The following PCNX2 variants were observed in gnomAD, a reference collection of about 807,000 sequenced individuals.
The protein encoded by PCNX2 is pecanex 2.
Under a neutral mutation model 223.8 loss-of-function variants are expected in PCNX2, and 168 were observed. The ratio of observed to expected loss-of-function variants is 0.75; its 90% CI spans 0.66 to 0.85. The LOEUF (loss-of-function observed/expected upper bound fraction) is 0.85. Among genes scored for constraint, PCNX2 ranks in the 40% least tolerant of loss-of-function variants. PCNX2 has a pLI of 0.00. For synonymous variants in PCNX2, 1,006 were observed against 1,052.6 expected, an observed-to-expected ratio of 0.96 and a Z score of 0.86; for missense variants, 2,507 against 2,675.5, an observed-to-expected ratio of 0.94 and a Z score of 1.39.
intron 23 of PCNX2, among the ~76,000 whole-genome samples, chr1:233,070,698 T>C (rs934943665): frequency 1.3e-5 from 2 of 148,414 alleles, no homozygotes; most frequent in African/African-American, 2.5e-5. Flanking sequence ...CTCAGAAAAA[T>C]AGAATTAGAT....
chr1:233,029,286 C>A (rs1671186432), intron 25 of PCNX2, among the ~76,000 whole-genome samples: 1 of 152,150 alleles, frequency 6.6e-6, no homozygotes, highest in Non-Finnish European at 1.5e-5. Flanking sequence ...GAATCAATTT[C>A]ATATGAGTCC....
intron 21 of PCNX2, among the ~76,000 whole-genome samples, chr1:233,097,189 C>T (rs1032532294): frequency 3.3e-5 from 5 of 152,022 alleles, no homozygotes; most frequent in African/African-American, 1.2e-4. Context: ...AAAAACATGT[C>T]TACCAGAGCC....
intron 23 of PCNX2, chr1:233,087,278 A>C: frequency 1.1e-6 from 1 of 906,622 alleles, no homozygotes; most frequent in Non-Finnish European, 1.3e-6. Flanking sequence ...AAGAAAGAGG[A>C]AGCCAGGAGA....
At position 232,998,378 on chromosome 1, in the gene PCNX2, T is replaced by C. The variant is rs1358797675; in HGVS notation, c.5664A>G (p.Gly1888=). Residue 1888 remains glycine, a synonymous_variant, in exon 32 of 34, where the codon GGA becomes GGG. Transcript: ENST00000258229. The part of the protein sequence containing the change: ...HSGGNIEDVD[G]GGAPTTGGNN... ...TGCCACCTGTCGTCGGGGCCCCTCC[T>C]CCGTCCACGTCTTCAATGTTGCCGC... The C allele has an allele frequency of 6.2e-7, 1 of 1,612,940 alleles. No homozygotes were observed. The highest frequency in any genetic ancestry group is 8.5e-7 in the Non-Finnish European group (1 of 1,179,620).
intron 19 of PCNX2, among the ~76,000 whole-genome samples, chr1:233,154,999 G>A (rs540162470): frequency 6.6e-6 from 1 of 151,662 alleles, no homozygotes; most frequent in South Asian, 2.1e-4. Context: ...AACCCAGAGG[G>A]TGGAAGTTGG....
intron 16 of PCNX2, among the ~76,000 whole-genome samples, chr1:233,178,132 A>G (rs568150365): frequency 2.0e-5 from 3 of 152,314 alleles, no homozygotes; most frequent in South Asian, 4.1e-4. Context: ...ATTGCCCTCT[A>G]TTGTCAGCAG....
At chr1:233,078,235 G>A (rs2102916771) in intron 23 of PCNX2, among the ~76,000 whole-genome samples, 1 of 152,304 alleles carries the variant, frequency 6.6e-6, no homozygotes, top group South Asian at 2.1e-4. Context: ...AACACACCGT[G>A]GAGTGTCCTG....
chr1:233,262,270 T>C lies in PCNX2; in HGVS notation c.360-105A>G, dbSNP rs1340585911. 2.9e-6 allele frequency: 4 copies of C among 1,366,656 alleles called. No homozygotes were observed. The African/African-American group carries it at 5.8e-5, about 20-fold the overall frequency. 84.7% of individuals were successfully genotyped at this position (1,366,656 alleles called of 1,614,324 possible). On this transcript the variant is annotated intron_variant, in intron 2 of 33. Transcript: ENST00000258229. The stretch of plus-strand genomic sequence containing the variant: ...ACTTTTTTTCCTAGAGTCCATTTTG[T>C]TATATTCCTTACATATAAATCTTTT...
chr1:233,035,115 G>C (rs1036839953), intron 25 of PCNX2, among the ~76,000 whole-genome samples: 2 of 152,152 alleles, frequency 1.3e-5, no homozygotes, highest in Admixed American at 1.3e-4. Flanking sequence ...TCAAAGGGAC[G>C]TTAAACATGG....
chr1:233,266,599 A>G (rs36030979), intron 1 of PCNX2, among the ~76,000 whole-genome samples: 45,436 of 152,078 alleles, frequency 0.3, 6,990 homozygotes, highest in South Asian at 0.45. Flanking sequence ...CAGAGAAAGA[A>G]GGCTTAGGAA....
chr1:233,193,349 C>G (rs1334221843), intron 15 of PCNX2, among the ~76,000 whole-genome samples: 1 of 151,920 alleles, frequency 6.6e-6, no homozygotes, highest in Non-Finnish European at 1.5e-5. Flanking sequence ...TGTCATTAAT[C>G]AAAACATAAC....
In PCNX2 at chr1:233,016,952, C is replaced by T; in HGVS notation, c.4808G>A (p.Trp1603Ter). ...TCTTTTCCGTGCACAGTGTTGAATC[C>T]ATTCTAGATAAACATTGCAGAAGCT... ...RASFCNVYLEWIQHCARKRQE... is the reference protein window; with the variant it reads ...RASFCNVYLE Residue 1603 changes from tryptophan to a stop codon, truncating the protein, a stop_gained, in exon 27 of 34, where the codon TGG (tryptophan) becomes TAG (stop). Transcript: ENST00000258229. LOFTEE classifies it high-confidence loss of function. 1.2e-6 allele frequency: 2 copies of T among 1,612,416 alleles called. No individual in the cohort carries two copies. The highest frequency in any genetic ancestry group is 1.7e-6 in the Non-Finnish European group (2 of 1,178,532).
At chr1:233,298,613 T>C (rs1662207960), upstream of PCNX2, among the ~76,000 whole-genome samples, 1 of 152,142 alleles carries the variant, frequency 6.6e-6, no homozygotes, top group African/African-American at 2.4e-5. Context: ...TGCTGGCCAG[T>C]CATGGTGGTT....
rs764231788 is a variant in PCNX2, at chr1:232,998,169, AAAC to A, written c.5791+79_5791+81del. On this transcript the variant is annotated intron_variant, in intron 32 of 33. Coordinates refer to ENST00000258229, the MANE Select transcript of PCNX2 (RefSeq NM_014801.4). The stretch of plus-strand genomic sequence containing the variant: ...TGCAAGAAGGTGCTCTCAGAGGTTT[AAAC>A]AACATCATAACTCAGGGCATTGGTC... 6 of 1,369,420 alleles carry A rather than the reference AAAC, an allele frequency of 4.4e-6. No homozygotes were observed. In the South Asian group the frequency reaches 6.9e-5, roughly 16 times the overall value. 84.8% of individuals were successfully genotyped at this position (1,369,420 alleles called of 1,614,324 possible).
intron 17 of PCNX2, among the ~76,000 whole-genome samples, chr1:233,162,558 G>C (rs1678557882): frequency 6.6e-6 from 1 of 152,170 alleles, no homozygotes; most frequent in Admixed American, 6.5e-5. Flanking sequence ...TTGGGGCAGT[G>C]ATAACCATAG....
At chr1:233,076,411 C>G (rs1392203302) in intron 23 of PCNX2, among the ~76,000 whole-genome samples, 1 of 152,128 alleles carries the variant, frequency 6.6e-6, no homozygotes, top group Non-Finnish European at 1.5e-5. Flanking sequence ...GTGACACACT[C>G]AGCTGTGATG....
chr1:233,115,722 T>C (rs538389392), intron 21 of PCNX2, among the ~76,000 whole-genome samples: 1 of 152,266 alleles, frequency 6.6e-6, no homozygotes, highest in East Asian at 1.9e-4. Context: ...GTGGAAAATG[T>C]AGTTCAAATA....
intron 23 of PCNX2, among the ~76,000 whole-genome samples, chr1:233,074,754 G>A (rs1673019727): frequency 6.6e-6 from 1 of 151,944 alleles, no homozygotes; most frequent in Non-Finnish European, 1.5e-5. Context: ...ATTAGAAAAT[G>A]AGCAAAAGAC....
chr1:233,121,344 GA>G (rs1194521621), intron 21 of PCNX2, among the ~76,000 whole-genome samples: 7 of 152,078 alleles, frequency 4.6e-5, no homozygotes, highest in African/African-American at 1.7e-4. Context: ...AAATTTGTAT[GA>G]AAGGCAAAAC....
Sources: gnomAD v4.1 joint callset for allele counts (sites outside exome capture counted in the v4.1 genomes callset) on GRCh38, gnomAD v4.1.1 for gene constraint, MANE v1.5 for transcripts, NCBI Gene and HGNC (gene_info 2026-07-23, HGNC 2026-07-21) for gene names.